DENND1A: variants seen among roughly 807,000 people sequenced by gnomAD.
DENND1A encodes DENN domain containing 1A.
In DENND1A, 51 loss-of-function variants were observed where a neutral mutation model predicts 113.7. The observed-to-expected ratio is 0.45, with a 90% confidence interval of 0.36 to 0.57. DENND1A has a LOEUF of 0.57. DENND1A is among the 20% of genes least tolerant of loss of function. The probability of loss-of-function intolerance (pLI) is 0.00; values close to 1 mark genes in which losing one functional copy is unlikely to be tolerated. For synonymous variants in DENND1A, 565 were observed against 570.8 expected, an observed-to-expected ratio of 0.99 and a Z score of 0.14; for missense variants, 1,258 against 1,395.9, an observed-to-expected ratio of 0.90 and a Z score of 1.57.
chr9:123,514,014 C>T (rs565995779), intron 13 of DENND1A, among the ~76,000 whole-genome samples: 6 of 151,730 alleles, frequency 4.0e-5, no homozygotes, highest in African/African-American at 1.5e-4. Context: ...AATTCCCTCC[C>T]CAAGTCCAAA....
At chr9:123,677,182 G>GAC (rs147666330) in intron 5 of DENND1A, among the ~76,000 whole-genome samples, 7,980 of 151,996 alleles carry the variant, frequency 0.053, 668 homozygotes, top group African/African-American at 0.18. Context: ...CACACACACT[G>GAC]ACACACACAC....
chr9:123,769,608 T>C, intron 3 of DENND1A, 45 bp from the exon 4 acceptor site: 1 of 1,531,668 alleles, frequency 6.5e-7, no homozygotes, highest in Non-Finnish European at 8.9e-7. Flanking sequence ...ATGGGACCAG[T>C]AAATCTAACA....
At chr9:123,546,686 C>T (rs1482143279) in intron 13 of DENND1A, among the ~76,000 whole-genome samples, 1 of 152,180 alleles carries the variant, frequency 6.6e-6, no homozygotes, top group East Asian at 1.9e-4. Context: ...ATTTAATGAG[C>T]ACCTACTAAT....
intron 5 of DENND1A, among the ~76,000 whole-genome samples, chr9:123,742,845 G>C (rs2069138861): frequency 6.6e-6 from 1 of 152,196 alleles, no homozygotes. Flanking sequence ...GCATAGGACA[G>C]ATGCTAAATA....
intron 13 of DENND1A, among the ~76,000 whole-genome samples, chr9:123,490,825 C>T (rs144533803): frequency 2.0e-5 from 3 of 152,222 alleles, no homozygotes; most frequent in African/African-American, 2.4e-5. Context: ...CTGTGTATTC[C>T]GCCTTTGCGG....
At chr9:123,798,022 A>G (rs2132159011) in intron 2 of DENND1A, among the ~76,000 whole-genome samples, 1 of 152,304 alleles carries the variant, frequency 6.6e-6, no homozygotes, top group South Asian at 2.1e-4. Flanking sequence ...TTTAAAAAAA[A>G]TCTATTCTAG....
At chr9:123,418,855 C>T (rs947522358) in intron 19 of DENND1A, among the ~76,000 whole-genome samples, 1 of 152,248 alleles carries the variant, frequency 6.6e-6, no homozygotes, top group Non-Finnish European at 1.5e-5. Context: ...TGAGCTCATC[C>T]TGAGTTAATT....
intron 10 of DENND1A, among the ~76,000 whole-genome samples, chr9:123,611,659 AC>A (rs2060423892): frequency 6.6e-6 from 1 of 152,222 alleles, no homozygotes; most frequent in African/African-American, 2.4e-5. Context: ...CATGCAATTG[AC>A]CAGTGACCAT....
At chr9:123,471,625 G>T (rs2049434994) in intron 13 of DENND1A, among the ~76,000 whole-genome samples, 1 of 152,232 alleles carries the variant, frequency 6.6e-6, no homozygotes, top group Admixed American at 6.5e-5. Flanking sequence ...GCAACTCTCT[G>T]TGGCTGCACG....
At chr9:123,640,039 G>T (rs968127267) in intron 9 of DENND1A, among the ~76,000 whole-genome samples, 1 of 152,158 alleles carries the variant, frequency 6.6e-6, no homozygotes, top group Non-Finnish European at 1.5e-5. Flanking sequence ...TTGAGCTCTG[G>T]ATTCTGTGCT....
chr9:123,656,303 T>C (rs2062943863), intron 8 of DENND1A, among the ~76,000 whole-genome samples: 1 of 152,138 alleles, frequency 6.6e-6, no homozygotes, highest in African/African-American at 2.4e-5. Flanking sequence ...TGAAGGATCC[T>C]GACATGACCC....
chr9:123,660,421 A>G (rs1397040211), intron 8 of DENND1A, among the ~76,000 whole-genome samples: 3 of 152,068 alleles, frequency 2.0e-5, no homozygotes, highest in Admixed American at 1.3e-4. Context: ...CATACAGTGC[A>G]GACAGGCTTT....
intron 2 of DENND1A, among the ~76,000 whole-genome samples, chr9:123,798,959 T>C (rs1001711223): frequency 9.2e-5 from 14 of 152,140 alleles, no homozygotes; most frequent in Admixed American, 8.5e-4. Flanking sequence ...AATTTCTCTA[T>C]GAGTTAGGAT....
At chr9:123,867,969 A>G (rs1041350825) in intron 2 of DENND1A, among the ~76,000 whole-genome samples, 1 of 152,228 alleles carries the variant, frequency 6.6e-6, no homozygotes, top group African/African-American at 2.4e-5. Context: ...TGAACCCAAC[A>G]CAGAAGACAG....
intron 2 of DENND1A, among the ~76,000 whole-genome samples, chr9:123,844,526 A>G (rs1056963662): frequency 6.6e-6 from 1 of 152,184 alleles, no homozygotes; most frequent in African/African-American, 2.4e-5. Context: ...TGCAAAACTT[A>G]TACTCTGAAA....
At chr9:123,503,284 T>A (rs1355624020) in intron 13 of DENND1A, among the ~76,000 whole-genome samples, 2 of 152,194 alleles carry the variant, frequency 1.3e-5, no homozygotes, top group African/African-American at 4.8e-5. Context: ...TTCATCAAAG[T>A]GGAACAACAG....
chr9:123,567,214 A>G lies in DENND1A; in HGVS notation c.868-9519T>C, dbSNP rs540459002. On this transcript the variant is annotated intron_variant, in intron 12 of 23. Transcript: ENST00000394215. ...AACTATCACCATGTTTCACAATGCAATCTGTGCAGTGCCGCGTAATGAAAT... is the reference window on the plus strand; with the variant it reads ...AACTATCACCATGTTTCACAATGCAGTCTGTGCAGTGCCGCGTAATGAAAT... Among the ~76,000 whole-genome samples the G allele has an allele frequency of 3.3e-5, 5 of 152,350 alleles. No homozygotes were observed. The South Asian group carries it at 1.0e-3, about 32-fold the overall frequency.
At position 123,438,236 on chromosome 9, in the gene DENND1A, C is replaced by T. The variant is rs565231948; in HGVS notation, c.1488+2124G>A. Among the ~76,000 whole-genome samples, 19 of 152,242 alleles carry T rather than the reference C, an allele frequency of 1.2e-4. No individual in the cohort carries two copies. The South Asian group carries it at 3.9e-3, about 32-fold the overall frequency. The stretch of plus-strand genomic sequence containing the variant: ...CGGGAAAAGACTCAAGGACAACCTA[C>T]CATAAGGGCAAAGCTGGAAAGAGTT... On this transcript the variant is annotated intron_variant, in intron 19 of 23. Transcript: ENST00000394215.
At chr9:123,419,581 C>G (rs964918157) in intron 19 of DENND1A, among the ~76,000 whole-genome samples, 6 of 152,202 alleles carry the variant, frequency 3.9e-5, no homozygotes, top group Non-Finnish European at 8.8e-5. Flanking sequence ...TGAAACAGAC[C>G]CGGTTGGGAG....
Sources: allele counts gnomAD v4.1 joint callset (sites outside exome capture counted in the v4.1 genomes callset), GRCh38; gene constraint gnomAD v4.1.1; transcripts MANE v1.5; gene names NCBI Gene and HGNC (gene_info 2026-07-23, HGNC 2026-07-21).